Variants in GTF3C4 observed in about 807,000 individuals in gnomAD.
The protein encoded by GTF3C4 is general transcription factor 3C polypeptide 4.
In GTF3C4, 28 loss-of-function variants were observed where a neutral mutation model predicts 67.5. That is an observed-to-expected ratio of 0.41 (90% CI 0.31 to 0.57). The LOEUF is 0.57. GTF3C4 is among the 20% of genes least tolerant of loss of function. The pLI, the probability that GTF3C4 is intolerant of heterozygous loss-of-function variation, is 0.21. For synonymous variants in GTF3C4, 409 were observed against 393.0 expected (o/e 1.04, Z -0.48); for missense variants, 831 against 1,033.2 (o/e 0.80, Z 2.68).
At chr9:132,672,490 T>G (rs1835799708) in intron 1 of GTF3C4, among the ~76,000 whole-genome samples, 1 of 150,582 alleles carries the variant, frequency 6.6e-6, no homozygotes, top group African/African-American at 2.4e-5. Context: ...GCATACACGT[T>G]TAAGTCATGA....
chr9:132,675,748 T>C, intron 1 of GTF3C4, among the ~76,000 whole-genome samples: 1 of 152,054 alleles, frequency 6.6e-6, no homozygotes, highest in East Asian at 1.9e-4. Context: ...TTAAAGGGAG[T>C]AGTGTACTGT....
intron 1 of GTF3C4, among the ~76,000 whole-genome samples, chr9:132,673,826 T>C (rs1835826654): frequency 6.6e-6 from 1 of 152,238 alleles, no homozygotes; most frequent in Admixed American, 6.5e-5. Context: ...TCAGCTGTTT[T>C]ATAAGATTGT....
intron 4 of GTF3C4, among the ~76,000 whole-genome samples, chr9:132,687,680 A>ATACTT: frequency 6.6e-6 from 1 of 152,332 alleles, no homozygotes; most frequent in South Asian, 2.1e-4. Context: ...TCTGTGGATG[A>ATACTT]TACTTTATAC....
intron 1 of GTF3C4, among the ~76,000 whole-genome samples, chr9:132,674,135 A>T (rs1021736341): frequency 3.9e-5 from 6 of 152,228 alleles, no homozygotes; most frequent in African/African-American, 1.4e-4. Context: ...AATTTTTGTC[A>T]GGTGCTTACA....
chr9:132,687,580 A>G (rs1010403964), intron 4 of GTF3C4, among the ~76,000 whole-genome samples: 4 of 152,230 alleles, frequency 2.6e-5, no homozygotes, highest in Admixed American at 2.6e-4. Flanking sequence ...CTGCGTTGCT[A>G]TTCTGTCACT....
Position 132,670,549 on chromosome 9 carries a change from G to T in GTF3C4, c.-50G>T. ...GGCGGCGGCGGTCCGGGAGGTGGTCGCGCGACTGCGTGGAGCGCCAGGGCG... is the reference window on the plus strand; with the variant it reads ...GGCGGCGGCGGTCCGGGAGGTGGTCTCGCGACTGCGTGGAGCGCCAGGGCG... On this transcript the variant is annotated 5_prime_UTR_variant, in exon 1 of 5. Transcript: ENST00000372146. The T allele has an allele frequency of 7.6e-7, 1 of 1,312,922 alleles. No homozygotes were observed. 81.3% of individuals were successfully genotyped at this position (1,312,922 alleles called of 1,614,324 possible).
At chr9:132,682,531 TA>T (rs66740441) in intron 2 of GTF3C4, among the ~76,000 whole-genome samples, 40,371 of 139,424 alleles carry the variant, frequency 0.29, 7,825 homozygotes, top group African/African-American at 0.56. Flanking sequence ...AGTGAAGTTT[TA>T]AAAAAAAAAA....
At position 132,690,966 on chromosome 9, in the gene GTF3C4, G is replaced by C. The variant is rs951959431; in HGVS notation, c.*2021G>C. 3 of 152,160 alleles carry C rather than the reference G, an allele frequency of 2.0e-5. No homozygotes were observed. The highest frequency in any genetic ancestry group is 2.9e-5 in the Non-Finnish European group (2 of 68,026). 9.4% of individuals were successfully genotyped at this position (152,160 alleles called of 1,614,324 possible). A position where few individuals can be genotyped will look rare whatever the true frequency, so the allele number is the denominator to read the frequency against. ...TTATTTAAAGCAGTTGTGCATTTTT[G>C]AGAAAATGTATTGGGAGTAACTAGA... On this transcript the variant is annotated 3_prime_UTR_variant, in exon 5 of 5. Transcript: ENST00000372146.
At chr9:132,681,966 TAAAAAAAAA>T (rs56402111) in intron 2 of GTF3C4, among the ~76,000 whole-genome samples, 4 of 114,732 alleles carry the variant, frequency 3.5e-5, no homozygotes, top group South Asian at 2.8e-4. Flanking sequence ...CTACATAAAG[TAAAAAAAAA>T]AAAAAAAAAA....
Position 132,679,185 on chromosome 9 carries a change from T to C in GTF3C4, c.1566T>C (p.Ala522=). The change falls in exon 2 of 5, where the codon GCT becomes GCC. Residue 522 remains alanine (A), a synonymous_variant. Transcript: ENST00000372146. The surrounding 1 kb of genome is among the most constrained non-coding windows in gnomAD (Gnocchi z 5.9). ...FVTLKTFEEA[A]AQLLESSVQN... ...CTCTCAAAACCTTTGAAGAGGCAGC[T>C]GCTCAGCTCCTGGAATCTTCAGTTC... The C allele has an allele frequency of 1.2e-6, 2 of 1,614,230 alleles. No homozygotes were observed. Among genetic ancestry groups the C allele is most frequent in the Non-Finnish European group, 1.7e-6 (2 of 1,180,038 alleles).
In GTF3C4 at chr9:132,694,441, T is replaced by C. The variant is rs1836165982; in HGVS notation, c.*5496T>C. ...GTTCTTTCTTGGGTTTGAACTGGCT[T>C]TTTTGGGTTGAACCAGATCATCCCA... On this transcript the variant is annotated 3_prime_UTR_variant, in exon 5 of 5. Transcript: ENST00000372146. 6.6e-6 allele frequency: 1 copy of C among 152,240 alleles called. No individual in the cohort carries two copies. The highest frequency in any genetic ancestry group is 6.5e-5 in the Admixed American group (1 of 15,288). 9.4% of individuals were successfully genotyped at this position (152,240 alleles called of 1,614,324 possible). A position where few individuals can be genotyped will look rare whatever the true frequency, so the allele number is the denominator to read the frequency against.
At chr9:132,682,870 C>T (rs1223553235) in intron 2 of GTF3C4, among the ~76,000 whole-genome samples, 2 of 152,132 alleles carry the variant, frequency 1.3e-5, no homozygotes. Context: ...TCCCAAAGTG[C>T]AGGGATTACA....
In GTF3C4 at chr9:132,679,189, C is replaced by T. The variant is rs767260308; in HGVS notation, c.1570C>T (p.Gln524Ter). The change falls in exon 2 of 5, where the codon CAG (glutamine) becomes TAG (stop). Residue 524 changes from glutamine to a stop codon, truncating the protein, a stop_gained. Transcript: ENST00000372146. LOFTEE classifies it high-confidence loss of function. This position sits in a 1 kb window ranked among gnomAD's most constrained non-coding sequence, Gnocchi z 5.9. Reference protein sequence around the residue: ...TLKTFEEAAAQLLESSVQNLF... With the variant: ...TLKTFEEAAA Reference sequence around the variant, plus strand: ...CAAAACCTTTGAAGAGGCAGCTGCTCAGCTCCTGGAATCTTCAGTTCAAAA... The same window carrying T: ...CAAAACCTTTGAAGAGGCAGCTGCTTAGCTCCTGGAATCTTCAGTTCAAAA... 6.2e-7 allele frequency: 1 copy of T among 1,614,178 alleles called. No individual in the cohort carries two copies. The highest frequency in any genetic ancestry group is 8.5e-7 in the Non-Finnish European group (1 of 1,180,020).
Position 132,693,167 on chromosome 9 carries a change from G to T in GTF3C4, c.*4222G>T, listed in dbSNP as rs1836144352. 1 of 152,210 alleles carries T rather than the reference G, an allele frequency of 6.6e-6. No homozygotes were observed. Among genetic ancestry groups the T allele is most frequent in the Non-Finnish European group, 1.5e-5 (1 of 68,036 alleles). The allele number at this position is 152,210 out of a possible 1,614,324, so 9.4% of individuals were successfully genotyped here. Reference sequence around the variant, plus strand: ...TAGCCAGTCCATGTCTCATTGATAGGATGTAGCCTGCCATCTGCATAGATG... The same window carrying T: ...TAGCCAGTCCATGTCTCATTGATAGTATGTAGCCTGCCATCTGCATAGATG... On this transcript the variant is annotated 3_prime_UTR_variant, in exon 5 of 5. Transcript: ENST00000372146.
At chr9:132,671,329 C>G (rs1247606472) in intron 1 of GTF3C4, among the ~76,000 whole-genome samples, 1 of 152,116 alleles carries the variant, frequency 6.6e-6, no homozygotes, top group Non-Finnish European at 1.5e-5. Flanking sequence ...CTGCCTCTGT[C>G]GTTGCTGCTA....
Position 132,670,747 on chromosome 9 carries a change from T to A in GTF3C4, c.149T>A (p.Met50Lys), listed in dbSNP as rs866689535. 5.8e-6 allele frequency: 9 copies of A among 1,556,470 alleles called. 1 individual carries two copies. The highest frequency in any genetic ancestry group is 4.1e-5 in the African/African-American group (3 of 73,668). Residue 50 changes from methionine (M) to lysine (K), a missense_variant, in exon 1 of 5, where the codon ATG becomes AAG. This residue lies in a region of GTF3C4 where 237 missense variants were observed against 212.7 expected (regional missense o/e 1.11). Transcript: ENST00000372146. ...APGPSAAFRL[M>K]VTRREPAVKL... ...GGGCCCAGCGCTGCATTCCGCCTCATGGTGACTCGGCGGGAGCCGGCCGTG... is the reference window on the plus strand; with the variant it reads ...GGGCCCAGCGCTGCATTCCGCCTCAAGGTGACTCGGCGGGAGCCGGCCGTG...
chr9:132,686,384 C>T (rs983778068), intron 3 of GTF3C4, among the ~76,000 whole-genome samples: 5 of 151,808 alleles, frequency 3.3e-5, no homozygotes, highest in African/African-American at 9.7e-5. Flanking sequence ...CCTAGATATT[C>T]AGTTCTTTAC....
rs74351448 is a variant in GTF3C4, at chr9:132,693,661, A to C, written c.*4716A>C. 1.4e-5 allele frequency: 2 copies of C among 146,848 alleles called. No individual in the cohort carries two copies. Among genetic ancestry groups the C allele is most frequent in the Admixed American group, 1.4e-4 (2 of 14,678 alleles). 9.1% of individuals were successfully genotyped at this position (146,848 alleles called of 1,614,324 possible). A position where few individuals can be genotyped will look rare whatever the true frequency, so the allele number is the denominator to read the frequency against. ...CCTGTTACTTTCATTAAAAAAAAAA[A>C]TCCTGTAAAATGGTCAAATTGGATA... On this transcript the variant is annotated 3_prime_UTR_variant, in exon 5 of 5. Coordinates refer to ENST00000372146, the MANE Select transcript of GTF3C4 (RefSeq NM_012204.4).
chr9:132,670,255 C>T (rs375204039), upstream of GTF3C4: 408 of 1,522,822 alleles, frequency 2.7e-4, 1 homozygote, highest in Non-Finnish European at 3.4e-4. Context: ...GCCATCTCAC[C>T]GACGAGCCTC....
Sources: allele counts gnomAD v4.1 joint callset (sites outside exome capture counted in the v4.1 genomes callset), GRCh38; gene constraint gnomAD v4.1.1; regional missense constraint gnomAD v4.1.1; non-coding constraint Gnocchi (gnomAD v3.1); transcripts MANE v1.5; gene names NCBI Gene and HGNC (gene_info 2026-07-23, HGNC 2026-07-21).